Variants in CAPS2 observed in about 807,000 individuals in gnomAD.
CAPS2 encodes calcyphosin-2.
In CAPS2, 98 loss-of-function variants were observed where a neutral mutation model predicts 86.5. The ratio of observed to expected loss-of-function variants is 1.13; its 90% CI spans 0.96 to 1.34. The LOEUF (loss-of-function observed/expected upper bound fraction) is 1.34. CAPS2 is among the 40% of genes most tolerant of loss of function. CAPS2 has a pLI of 0.00. For missense variants in CAPS2, 729 were observed against 686.8 expected (o/e 1.06, Z -0.69); for synonymous variants, 210 against 225.1 (o/e 0.93, Z 0.60).
chr12:75,278,649 A>G (rs988781222), exon 17 of CAPS2: 9 of 1,178,352 alleles, frequency 7.6e-6, no homozygotes, highest in African/African-American at 3.2e-5. Flanking sequence ...TACAAATGTA[A>G]GGACATGTGA....
At chr12:75,341,496 G>A (rs2042105350) in intron 1 of CAPS2, among the ~76,000 whole-genome samples, 1 of 152,084 alleles carries the variant, frequency 6.6e-6, no homozygotes, top group East Asian at 1.9e-4. Context: ...GCCCAGGCTG[G>A]AATGCAGTGG....
At chr12:75,302,840 G>C (rs2037980564) in intron 8 of CAPS2, among the ~76,000 whole-genome samples, 1 of 152,094 alleles carries the variant, frequency 6.6e-6, no homozygotes, top group Non-Finnish European at 1.5e-5. Context: ...ACATCCATAA[G>C]AAGAACTCAA....
chr12:75,278,276 T>A, exon 17 of CAPS2: 1 of 982,762 alleles, frequency 1.0e-6, no homozygotes, highest in Non-Finnish European at 1.2e-6. Context: ...AAAAGACAAG[T>A]CAGTATTTAA....
At chr12:75,302,831 C>T (rs757502083) in intron 8 of CAPS2, among the ~76,000 whole-genome samples, 3 of 152,122 alleles carry the variant, frequency 2.0e-5, no homozygotes, top group African/African-American at 4.8e-5. Context: ...CACTAATACA[C>T]ATCCATAAGA....
chr12:75,378,907 T>C (rs964815956), intron 1 of CAPS2, among the ~76,000 whole-genome samples: 1 of 152,210 alleles, frequency 6.6e-6, no homozygotes, highest in African/African-American at 2.4e-5. Context: ...TCACTATTTG[T>C]TTAACTATTG....
chr12:75,320,275 TA>T (rs893459402), intron 5 of CAPS2, among the ~76,000 whole-genome samples: 1 of 152,136 alleles, frequency 6.6e-6, no homozygotes, highest in Admixed American at 6.6e-5. Flanking sequence ...AAGTTTTACT[TA>T]AAAAATATTT....
chr12:75,296,379 C>T (rs375600432), intron 11 of CAPS2, among the ~76,000 whole-genome samples: 118 of 152,146 alleles, frequency 7.8e-4, no homozygotes, highest in Middle Eastern at 3.4e-3. Flanking sequence ...GCAAGCTCCG[C>T]CTCCTGGGTT....
At chr12:75,291,478 AGCATATATATATAT>A in intron 13 of CAPS2, among the ~76,000 whole-genome samples, 2 of 64,990 alleles carry the variant, frequency 3.1e-5, no homozygotes, top group Non-Finnish European at 5.9e-5. Flanking sequence ...AAACAATAAA[AGCATATATATATAT>A]ATATATATAT....
intron 1 of CAPS2, among the ~76,000 whole-genome samples, chr12:75,384,436 T>C (rs2139837219): frequency 6.6e-6 from 1 of 152,186 alleles, no homozygotes; most frequent in East Asian, 1.9e-4. Flanking sequence ...AAGACACATC[T>C]CTCACAACTC....
chr12:75,325,090 A>T (rs1383391179), intron 2 of CAPS2, 149 bp downstream of exon 3: 2 of 520,662 alleles, frequency 3.8e-6, no homozygotes, highest in Non-Finnish European at 6.3e-6. Flanking sequence ...ATTTTGGTAT[A>T]GTAATTTTCA....
chr12:75,308,851 C>T (rs919188724), intron 7 of CAPS2, among the ~76,000 whole-genome samples: 1 of 139,004 alleles, frequency 7.2e-6, no homozygotes, highest in Non-Finnish European at 1.5e-5. Flanking sequence ...TGCAGTGAGC[C>T]GAGATCACAC....
chr12:75,351,623 T>G (rs2042821871), intron 1 of CAPS2, among the ~76,000 whole-genome samples: 1 of 151,558 alleles, frequency 6.6e-6, no homozygotes, highest in South Asian at 2.1e-4. Flanking sequence ...CTTGACTTAC[T>G]ACCACCTCCA....
At chr12:75,341,909 G>A (rs544510775) in intron 1 of CAPS2, among the ~76,000 whole-genome samples, 2 of 151,960 alleles carry the variant, frequency 1.3e-5, no homozygotes, top group Admixed American at 1.3e-4. Flanking sequence ...CCCCACACCT[G>A]GCTGATTTTT....
rs190188195 is a variant in CAPS2 at position 75,380,008 on chromosome 12, C to T, written c.-395+10830G>A. On this transcript the variant is annotated intron_variant, in intron 1 of 5. Transcript: ENST00000551829. Reference sequence around the variant, plus strand: ...AACCCTTCGATTAAATCAAAAGGTACTATATGTACATTTAACTAAATGTAT... The same window carrying T: ...AACCCTTCGATTAAATCAAAAGGTATTATATGTACATTTAACTAAATGTAT... 3.0e-4 allele frequency among the ~76,000 whole-genome samples: 45 copies of T among 151,680 alleles called. No homozygotes were observed. In the East Asian group the frequency reaches 3.9e-3, roughly 13 times the overall value.
At chr12:75,367,782 ATTAT>A (rs768473684) in intron 1 of CAPS2, among the ~76,000 whole-genome samples, 5 of 152,106 alleles carry the variant, frequency 3.3e-5, no homozygotes, top group Non-Finnish European at 5.9e-5. Flanking sequence ...TAATCTTTAT[ATTAT>A]TTATTTCACA....
At chr12:75,363,286 T>C in intron 1 of CAPS2, 1 of 483,700 alleles carries the variant, frequency 2.1e-6, no homozygotes, top group Non-Finnish European at 3.5e-6. Flanking sequence ...TTACAAACTA[T>C]GGACAAGATT....
chr12:75,294,451 A>C (rs2036535431), intron 11 of CAPS2, among the ~76,000 whole-genome samples: 1 of 152,210 alleles, frequency 6.6e-6, no homozygotes, highest in Non-Finnish European at 1.5e-5. Flanking sequence ...AGGCTTTCTC[A>C]AGGACCGGTG....
chr12:75,366,437 T>G (rs907817385), intron 1 of CAPS2, among the ~76,000 whole-genome samples: 1 of 152,158 alleles, frequency 6.6e-6, no homozygotes, highest in Non-Finnish European at 1.5e-5. Flanking sequence ...CTTTGGGCTA[T>G]GAATTTTTCT....
chr12:75,277,642 G>C, exon 17 of CAPS2: 1 of 984,574 alleles, frequency 1.0e-6, no homozygotes, highest in Non-Finnish European at 1.2e-6. Flanking sequence ...GTGCAACTTT[G>C]AATTTGTTGG....
Sources: allele counts gnomAD v4.1 joint callset (sites outside exome capture counted in the v4.1 genomes callset), GRCh38; gene constraint gnomAD v4.1.1; transcripts MANE v1.5; gene names NCBI Gene and HGNC (gene_info 2026-07-23, HGNC 2026-07-21).